AFP: variants seen among roughly 807,000 people sequenced by gnomAD.
AFP encodes alpha fetoprotein, also known as alpha-fetoprotein.
Under a neutral mutation model 78.9 loss-of-function variants are expected in AFP, and 64 were observed. The ratio of observed to expected loss-of-function variants is 0.81; its 90% CI spans 0.66 to 1.00. The LOEUF (loss-of-function observed/expected upper bound fraction) is 1.00, where lower values mean the gene tolerates loss of function less well. Among genes scored for constraint, AFP ranks in the 50% least tolerant of loss-of-function variants. The pLI, the probability that AFP is intolerant of heterozygous loss-of-function variation, is 0.00. For synonymous variants in AFP, 254 were observed against 243.8 expected (o/e 1.04, Z -0.39); for missense variants, 689 against 703.8 (o/e 0.98, Z 0.24).
rs187291464 is a variant in AFP, at chr4:73,446,250, A to C, written c.843+1128A>C. On this transcript the variant is annotated intron_variant, in intron 7 of 14. Transcript: ENST00000395792. ...TGGCATACTAGGAAAACCAACAAGA[A>C]GTATTTTGTTTTTCTTTGAGCTCAG... Among the ~76,000 whole-genome samples, 481 of 152,332 alleles carry C rather than the reference A, an allele frequency of 3.2e-3. 1 individual carries two copies. The highest frequency in any genetic ancestry group is 0.011 in the African/African-American group (461 of 41,584).
chr4:73,450,163 A>C (rs1719947290), intron 10 of AFP, 30 bp downstream of exon 10: 2 of 1,508,570 alleles, frequency 1.3e-6, no homozygotes, highest in Non-Finnish European at 1.8e-6. Flanking sequence ...ATTTTTAGTG[A>C]ATTAAAATTA....
At chr4:73,452,672 G>A in intron 12 of AFP, 48 bp downstream of exon 12, 1 of 1,437,432 alleles carries the variant, frequency 7.0e-7, no homozygotes, top group Non-Finnish European at 9.7e-7. Flanking sequence ...CAACCCCAAA[G>A]AGTAACTGAG....
At position 73,438,180 on chromosome 4, in the gene AFP, C is replaced by A; in HGVS notation, c.144C>A (p.Thr48=). The A allele has an allele frequency of 1.2e-6, 2 of 1,613,252 alleles. No homozygotes were observed. Among genetic ancestry groups the A allele is most frequent in the South Asian group, 1.1e-5 (1 of 91,062 alleles). Residue 48 remains threonine (T), a synonymous_variant, in exon 3 of 15, where the codon ACC becomes ACA. Transcript: ENST00000395792. ...TAEISLADLA[T]IFFAQFVQEA... ...ACACGTATTTTTGTTTCAGGGCTAC[C>A]ATATTTTTTGCCCAGTTTGTTCAAG...
At chr4:73,439,124 CACTA>C (rs970654289) in intron 3 of AFP, among the ~76,000 whole-genome samples, 5 of 152,114 alleles carry the variant, frequency 3.3e-5, no homozygotes, top group African/African-American at 1.2e-4. Flanking sequence ...TTTAGATAAA[CACTA>C]AATACTTTTC....
At chr4:73,442,499 A>G in intron 5 of AFP, 71 bp downstream of exon 5, 2 of 1,558,650 alleles carry the variant, frequency 1.3e-6, no homozygotes, top group Non-Finnish European at 1.8e-6. Flanking sequence ...CAAAGTTAAA[A>G]ATGAAAACGT....
Position 73,436,310 on chromosome 4 carries a change from T to A in AFP, c.48T>A (p.Thr16=), listed in dbSNP as rs759858480. 9 of 1,604,570 alleles carry A rather than the reference T, an allele frequency of 5.6e-6. No homozygotes were observed. Among genetic ancestry groups the A allele is most frequent in the Non-Finnish European group, 6.8e-6 (8 of 1,173,084 alleles). Residue 16 remains threonine (T), a synonymous_variant, in exon 1 of 15, where the codon ACT becomes ACA. Transcript: ENST00000395792. ...TTTTAATTTTCCTACTAAATTTTAC[T>A]GAATCCAGAACACTGCATAGAAATG... ...SIFLIFLLNF[T]ESRTLHRNEY...
At chr4:73,448,998 T>C (rs1311442472) in intron 8 of AFP, among the ~76,000 whole-genome samples, 2 of 152,188 alleles carry the variant, frequency 1.3e-5, no homozygotes, top group Non-Finnish European at 2.9e-5. Context: ...GTATTTATCT[T>C]AGACATCATT....
chr4:73,437,676 A>G (rs530550636), intron 2 of AFP, among the ~76,000 whole-genome samples: 59 of 152,194 alleles, frequency 3.9e-4, no homozygotes, highest in Non-Finnish European at 7.4e-4. Flanking sequence ...TCTAACAAAG[A>G]ATTTAAAGTA....
Position 73,449,444 on chromosome 4 carries a change from C to A in AFP, c.1168C>A (p.Pro390Thr), listed in dbSNP as rs753811251. 6.2e-7 allele frequency: 1 copy of A among 1,613,510 alleles called. No individual in the cohort carries two copies. The highest frequency in any genetic ancestry group is 1.1e-5 in the South Asian group (1 of 91,056). The change falls in exon 9 of 15, where the codon CCT (proline) becomes ACT (threonine). Residue 390 changes from proline to threonine, a missense_variant. Physicochemically the swap from Pro to Thr is conservative, Grantham distance 38. Coordinates refer to ENST00000395792, the MANE Select transcript of AFP (RefSeq NM_001134.3). ...LLEKCFQTEN[P>T]LECQDKGEEE... is the part of the protein sequence containing the mutation. ...GGAGAAGTGTTTCCAGACTGAAAACCCTCTTGAATGCCAAGATAAAGGAGT... is the reference window on the plus strand; with the variant it reads ...GGAGAAGTGTTTCCAGACTGAAAACACTCTTGAATGCCAAGATAAAGGAGT...
chr4:73,452,820 G>A (rs185134561), intron 12 of AFP, among the ~76,000 whole-genome samples, 196 bp downstream of exon 12: 16 of 152,278 alleles, frequency 1.1e-4, no homozygotes, highest in Admixed American at 2.0e-4. Context: ...AAAAATTGAC[G>A]AGGGTGGACA....
Position 73,446,901 on chromosome 4 carries a change from A to C in AFP, c.844-561A>C, listed in dbSNP as rs529711189. On this transcript the variant is annotated intron_variant, in intron 7 of 14. Coordinates refer to ENST00000395792, the MANE Select transcript of AFP (RefSeq NM_001134.3). The stretch of plus-strand genomic sequence containing the variant: ...TTGAACAAACAGGTAAGTGGAAAGG[A>C]ATGAGAAAAGGCAAAAGTGGGGAGA... Among the ~76,000 whole-genome samples the C allele has an allele frequency of 1.1e-3, 162 of 152,342 alleles. 1 individual carries two copies. Among genetic ancestry groups the C allele is most frequent in the Non-Finnish European group, 2.0e-3 (133 of 68,020 alleles).
At chr4:73,451,927 C>T (rs1577959261) in intron 11 of AFP, among the ~76,000 whole-genome samples, 1 of 152,310 alleles carries the variant, frequency 6.6e-6, no homozygotes, top group South Asian at 2.1e-4. Context: ...ATTGCTCTTA[C>T]TTCTTTTCAA....
chr4:73,446,482 A>G (rs72647032), intron 7 of AFP, among the ~76,000 whole-genome samples: 2,484 of 152,286 alleles, frequency 0.016, 28 homozygotes, highest in Middle Eastern at 0.024. Context: ...GTCCCATGAC[A>G]GGTATATATG....
At position 73,447,605 on chromosome 4, in the gene AFP, T is replaced by C; in HGVS notation, c.987T>C (p.Asn329=). 6.2e-7 allele frequency: 1 copy of C among 1,612,066 alleles called. No individual in the cohort carries two copies. The highest frequency in any genetic ancestry group is 1.1e-5 in the South Asian group (1 of 90,964). Residue 329 remains asparagine, a synonymous_variant, in exon 8 of 15, where the codon AAT becomes AAC. Transcript: ENST00000395792. ...NDEKPEGLSP[N]LNRFLGDRDF... ...AAAAACCTGAAGGTCTATCTCCAAA[T>C]CTAAACAGGTTTTTAGGAGATAGAG...
At chr4:73,436,705 A>C (rs1719515903) in intron 1 of AFP, among the ~76,000 whole-genome samples, 1 of 151,836 alleles carries the variant, frequency 6.6e-6, no homozygotes, top group South Asian at 2.1e-4. Flanking sequence ...TCCTTCACAT[A>C]ACTCCCTCAG....
At position 73,446,312 on chromosome 4, in the gene AFP, G is replaced by T. The variant is rs190630411; in HGVS notation, c.844-1150G>T. Among the ~76,000 whole-genome samples, 23 of 152,196 alleles carry T rather than the reference G, an allele frequency of 1.5e-4. No individual in the cohort carries two copies. The East Asian group carries it at 3.3e-3, about 22-fold the overall frequency. Reference sequence around the variant, plus strand: ...TGAACGGACAATTTTACTGTTTCTCGTTGTCATTTTTAAAAAGTTAATTTT... The same window carrying T: ...TGAACGGACAATTTTACTGTTTCTCTTTGTCATTTTTAAAAAGTTAATTTT... On this transcript the variant is annotated intron_variant, in intron 7 of 14. Transcript: ENST00000395792.
intron 4 of AFP, among the ~76,000 whole-genome samples, chr4:73,441,533 A>C (rs1224867543): frequency 8.1e-6 from 1 of 124,076 alleles, no homozygotes; most frequent in African/African-American, 3.2e-5. Flanking sequence ...GCGCCACTGC[A>C]CTCCCGCCGG....
chr4:73,455,780 C>T lies in AFP; in HGVS notation c.*160C>T. ...GAAATAAAATATCTCCAAATGTTTC[C>T]TTTTCCAAGTTTGCTTATTTATGAA... On this transcript the variant is annotated 3_prime_UTR_variant, in exon 15 of 15. Coordinates refer to ENST00000395792, the MANE Select transcript of AFP (RefSeq NM_001134.3). 1.6e-6 allele frequency: 1 copy of T among 629,096 alleles called. No individual in the cohort carries two copies. Among genetic ancestry groups the T allele is most frequent in the Admixed American group, 3.0e-5 (1 of 33,552 alleles). 39.0% of individuals were successfully genotyped at this position (629,096 alleles called of 1,614,324 possible).
At chr4:73,447,322 C>G in intron 7 of AFP, 140 bp from the exon 8 acceptor site, 52 of 441,948 alleles carry the variant, frequency 1.2e-4, no homozygotes, top group East Asian at 1.8e-4. Flanking sequence ...CTTTCCCCTT[C>G]CTTCTTTCCT....
Sources: gnomAD v4.1 joint callset for allele counts (sites outside exome capture counted in the v4.1 genomes callset) on GRCh38, gnomAD v4.1.1 for gene constraint, MANE v1.5 for transcripts, NCBI Gene and HGNC (gene_info 2026-07-23, HGNC 2026-07-21) for gene names.